CAMK2D: variants seen among roughly 807,000 people sequenced by gnomAD.
CAMK2D encodes calcium/calmodulin dependent protein kinase II delta.
In CAMK2D, 37 loss-of-function variants were observed where a neutral mutation model predicts 84.0. That is an observed-to-expected ratio of 0.44 (90% confidence interval 0.34 to 0.58). The LOEUF is 0.58. Ranked by LOEUF, CAMK2D falls within the 20% of genes least tolerant of loss-of-function variation. The pLI is 0.02. For synonymous variants in CAMK2D, 202 were observed against 212.5 expected (o/e 0.95, Z 0.43); for missense variants, 448 against 652.5 (o/e 0.69, Z 3.41).
In CAMK2D at chr4:113,761,335, C is replaced by A; in HGVS notation, c.-267G>T. The stretch of plus-strand genomic sequence containing the variant: ...GCTTCCTTCTTCTCCACTGGACGCT[C>A]CACCCGCCCCTTTTCCAGTCCCTGT... On this transcript the variant is annotated 5_prime_UTR_variant, in exon 1 of 21. Transcript: ENST00000511664. 7.9e-6 allele frequency: 11 copies of A among 1,392,378 alleles called. No individual in the cohort carries two copies. Among genetic ancestry groups the A allele is most frequent in the Non-Finnish European group, 9.3e-6 (10 of 1,072,828 alleles). The allele number at this position is 1,392,378 out of a possible 1,614,324, so 86.3% of individuals were successfully genotyped here. A position where few individuals can be genotyped will look rare whatever the true frequency, so the allele number is the denominator to read the frequency against.
At position 113,727,623 on chromosome 4, in the gene CAMK2D, TAAGA is replaced by T. The variant is rs1426242738; in HGVS notation, c.160+31693_160+31696del. On this transcript the variant is annotated intron_variant, in intron 2 of 20. Transcript: ENST00000511664. Reference sequence around the variant, plus strand: ...AACTATGAAGCAGGCAAAGATTACTTAAGAAAGAGAAAGCAGTAACTATGAAAGA... The same window carrying T: ...AACTATGAAGCAGGCAAAGATTACTTAAGAGAAAGCAGTAACTATGAAAGA... Among the ~76,000 whole-genome samples, 8 of 152,188 alleles carry T rather than the reference TAAGA, an allele frequency of 5.3e-5. No individual in the cohort carries two copies. In the East Asian group the frequency reaches 1.5e-3, roughly 29 times the overall value.
intron 2 of CAMK2D, among the ~76,000 whole-genome samples, chr4:113,664,740 TACAAGGGCATGA>T (rs1276241887): frequency 6.6e-6 from 1 of 151,900 alleles, no homozygotes; most frequent in Non-Finnish European, 1.5e-5. Flanking sequence ...AATTTCAATG[TACAAGGGCATGA>T]ACAACAGGAG....
chr4:113,688,658 T>C (rs2099367247), intron 2 of CAMK2D, among the ~76,000 whole-genome samples: 1 of 152,062 alleles, frequency 6.6e-6, no homozygotes, highest in African/African-American at 2.4e-5. Flanking sequence ...TTCCTCACCT[T>C]TAACTCCTTG....
intron 16 of CAMK2D, among the ~76,000 whole-genome samples, chr4:113,488,471 C>T (rs1367727884): frequency 2.6e-5 from 4 of 152,034 alleles, no homozygotes; most frequent in Admixed American, 6.5e-5. Context: ...ACATGCTTAG[C>T]GTTTCGATAA....
At chr4:113,650,202 A>G (rs75384273) in intron 3 of CAMK2D, among the ~76,000 whole-genome samples, 3,213 of 152,034 alleles carry the variant, frequency 0.021, 109 homozygotes, top group African/African-American at 0.074. Context: ...AAATGTGGAC[A>G]TAAAACTAAT....
chr4:113,695,079 T>C (rs1191247217), intron 2 of CAMK2D, among the ~76,000 whole-genome samples: 1 of 152,164 alleles, frequency 6.6e-6, no homozygotes, highest in East Asian at 1.9e-4. Flanking sequence ...GTCACCTCAC[T>C]ACAATAAGCA....
chr4:113,594,412 G>A (rs1467893932), intron 4 of CAMK2D, among the ~76,000 whole-genome samples: 1 of 152,168 alleles, frequency 6.6e-6, no homozygotes, highest in African/African-American at 2.4e-5. Flanking sequence ...AGTTTGAAGA[G>A]ACTGAAAAAG....
chr4:113,589,607 G>A (rs1041178424), intron 4 of CAMK2D, among the ~76,000 whole-genome samples: 10 of 152,110 alleles, frequency 6.6e-5, no homozygotes, highest in Admixed American at 2.0e-4. Context: ...TGAAAAAGAC[G>A]GAGTTGCCAC....
chr4:113,696,656 G>A (rs549724213), intron 2 of CAMK2D, among the ~76,000 whole-genome samples: 4 of 152,156 alleles, frequency 2.6e-5, no homozygotes, highest in Non-Finnish European at 5.9e-5. Flanking sequence ...ATACACAGAA[G>A]CCGCACAGTA....
intron 4 of CAMK2D, among the ~76,000 whole-genome samples, chr4:113,576,713 T>G (rs537038963): frequency 6.6e-6 from 1 of 152,156 alleles, no homozygotes; most frequent in Non-Finnish European, 1.5e-5. Flanking sequence ...AAGATCACTT[T>G]AAATTTTTTT....
intron 4 of CAMK2D, among the ~76,000 whole-genome samples, chr4:113,594,687 C>A (rs948713991): frequency 6.6e-6 from 1 of 152,120 alleles, no homozygotes; most frequent in African/African-American, 2.4e-5. Flanking sequence ...AGAAAAGAAT[C>A]TCTAAGCCTG....
At chr4:113,624,239 G>T (rs2099058504) in intron 3 of CAMK2D, among the ~76,000 whole-genome samples, 2 of 152,132 alleles carry the variant, frequency 1.3e-5, no homozygotes, top group Non-Finnish European at 2.9e-5. Flanking sequence ...AACAGGTAAA[G>T]AAAATAAAAA....
chr4:113,709,653 A>C, intron 2 of CAMK2D, among the ~76,000 whole-genome samples: 1 of 149,186 alleles, frequency 6.7e-6, no homozygotes, highest in East Asian at 1.9e-4. Context: ...AAATGCCATA[A>C]GGTAACTATA....
chr4:113,733,589 C>T (rs1359129889), intron 2 of CAMK2D, among the ~76,000 whole-genome samples: 1 of 152,228 alleles, frequency 6.6e-6, no homozygotes, highest in African/African-American at 2.4e-5. Context: ...ATACCAATAA[C>T]GTTGAAATTA....
At chr4:113,529,398 A>G (rs1471280753) in intron 8 of CAMK2D, among the ~76,000 whole-genome samples, 1 of 152,186 alleles carries the variant, frequency 6.6e-6, no homozygotes. Flanking sequence ...TATTTTCAGA[A>G]TCAAGTAAAG....
rs1437957495 is a variant in CAMK2D at position 113,746,346 on chromosome 4, T to G, written c.160+12974A>C. 3.3e-5 allele frequency among the ~76,000 whole-genome samples: 5 copies of G among 152,308 alleles called. No individual in the cohort carries two copies. In the East Asian group the frequency reaches 9.6e-4, roughly 29 times the overall value. On this transcript the variant is annotated intron_variant, in intron 2 of 20. Coordinates refer to ENST00000511664, the MANE Select transcript of CAMK2D (RefSeq NM_001321571.2). ...TTGTAGAAGGTCAACAAATATTAAC[T>G]CAATTTCTATAAATCATTATTATTT...
chr4:113,653,778 T>C (rs546971517), intron 3 of CAMK2D, among the ~76,000 whole-genome samples: 50 of 152,162 alleles, frequency 3.3e-4, no homozygotes, highest in African/African-American at 1.1e-3. Flanking sequence ...ATACTGGGTA[T>C]ATTTAAGAGA....
chr4:113,566,145 G>A (rs2098722734), intron 4 of CAMK2D, among the ~76,000 whole-genome samples: 1 of 152,154 alleles, frequency 6.6e-6, no homozygotes, highest in African/African-American at 2.4e-5. Context: ...TTTCACAATG[G>A]AAAGTAGCAA....
intron 4 of CAMK2D, among the ~76,000 whole-genome samples, chr4:113,563,948 T>C (rs1158447706): frequency 6.6e-6 from 1 of 152,160 alleles, no homozygotes; most frequent in African/African-American, 2.4e-5. Context: ...TACAGACTGA[T>C]AGTGTTGAAG....
Sources: gnomAD v4.1 joint callset for allele counts (sites outside exome capture counted in the v4.1 genomes callset) on GRCh38, gnomAD v4.1.1 for gene constraint, MANE v1.5 for transcripts, NCBI Gene and HGNC (gene_info 2026-07-23, HGNC 2026-07-21) for gene names.